GPD1: variants seen among roughly 807,000 people sequenced by gnomAD.
The protein encoded by GPD1 is glycerol-3-phosphate dehydrogenase [NAD(+)], cytoplasmic.
Under a neutral mutation model 34.4 loss-of-function variants are expected in GPD1, and 19 were observed. The ratio of observed to expected loss-of-function variants is 0.55; its 90% CI spans 0.39 to 0.81. The LOEUF is 0.81. Ranked by LOEUF, GPD1 falls within the 30% of genes least tolerant of loss-of-function variation. The pLI is 0.00. For synonymous variants in GPD1, 172 were observed against 174.1 expected (o/e 0.99, Z 0.09); for missense variants, 429 against 447.0 (o/e 0.96, Z 0.36).
chr12:50,106,925 G>T lies in GPD1; in HGVS notation c.612+8G>T. ...ATCTGTGGAGCCTTAAAGGTGAGAG[G>T]GGCACAGAGGCAGCTATGGGGTGAG... is the stretch of plus-strand genomic sequence containing the variant. On this transcript the variant is annotated splice_region_variant and intron_variant, in intron 5 of 7. Coordinates refer to ENST00000301149, the MANE Select transcript of GPD1 (RefSeq NM_005276.4). 6.5e-7 allele frequency: 1 copy of T among 1,529,292 alleles called. No homozygotes were observed. Among genetic ancestry groups the T allele is most frequent in the Non-Finnish European group, 9.1e-7 (1 of 1,102,686 alleles). The allele number at this position is 1,529,292 out of a possible 1,614,324, so 94.7% of individuals were successfully genotyped here. A position where few individuals can be genotyped will look rare whatever the true frequency, so the allele number is the denominator to read the frequency against.
In GPD1 at chr12:50,109,970, G is replaced by A. The variant is rs984816834; in HGVS notation, c.*451G>A. 1.2e-5 allele frequency: 2 copies of A among 161,042 alleles called. No homozygotes were observed. The highest frequency in any genetic ancestry group is 2.7e-5 in the Non-Finnish European group (2 of 73,132). 10.0% of individuals were successfully genotyped at this position (161,042 alleles called of 1,614,324 possible). On this transcript the variant is annotated 3_prime_UTR_variant, in exon 8 of 8. Coordinates refer to ENST00000301149, the MANE Select transcript of GPD1 (RefSeq NM_005276.4). Reference sequence around the variant, plus strand: ...GCGATGAGGCAAGGATTGTCAGGGAGGGGTCTGGGCTTCTGAGCTGATGCA... The same window carrying A: ...GCGATGAGGCAAGGATTGTCAGGGAAGGGTCTGGGCTTCTGAGCTGATGCA...
intron 6 of GPD1, 75 bp downstream of exon 6, chr12:50,107,875 C>G (rs1950993752): frequency 1.7e-6 from 2 of 1,149,654 alleles, no homozygotes; most frequent in East Asian, 4.7e-5. Flanking sequence ...CGGGAGGCAT[C>G]TCTGGAGCAC....
chr12:50,105,274 G>T (rs963244126), intron 2 of GPD1: 1 of 480,110 alleles, frequency 2.1e-6, no homozygotes, highest in Non-Finnish European at 3.8e-6. Context: ...TTGGCCTCCC[G>T]CACTGTCCCA....
At position 50,104,618 on chromosome 12, in the gene GPD1, T is replaced by A; in HGVS notation, c.86T>A (p.Leu29Gln). The A allele has an allele frequency of 1.2e-6, 2 of 1,613,988 alleles. No homozygotes were observed. The change falls in exon 2 of 8, where the codon CTG (leucine) becomes CAG (glutamine). Residue 29 changes from leucine (L) to glutamine (Q), a missense_variant. By Grantham distance (113) the Leu-to-Gln change is moderately radical (BLOSUM62 -2). Coordinates refer to ENST00000301149, the MANE Select transcript of GPD1 (RefSeq NM_005276.4). ...ATCGTGGGTGGCAATGCAGCCCAGC[T>A]GGCACAGTTTGACCCACGGGTGACC... ...AKIVGGNAAQ[L>Q]AQFDPRVTMW...
At chr12:50,104,364 C>A in intron 1 of GPD1, 1 of 707,454 alleles carries the variant, frequency 1.4e-6, no homozygotes, top group South Asian at 1.5e-5. Context: ...AGTGGGGCTC[C>A]CTTCTCTAGT....
chr12:50,104,639 T>G lies in GPD1; in HGVS notation c.107T>G (p.Val36Gly). Residue 36 changes from valine (V) to glycine (G), a missense_variant, in exon 2 of 8, where the codon GTG (valine) becomes GGG (glycine). Transcript: ENST00000301149. ...AAQLAQFDPR[V>G]TMWVFEEDIG... is the part of the protein sequence containing the mutation. ...CAGCTGGCACAGTTTGACCCACGGG[T>G]GACCATGTGGGTATTTGAGGAAGAC... The G allele has an allele frequency of 6.2e-7, 1 of 1,611,864 alleles. No homozygotes were observed. Among genetic ancestry groups the G allele is most frequent in the Non-Finnish European group, 8.5e-7 (1 of 1,178,026 alleles).
At chr12:50,106,009 C>T (rs1476676709) in intron 3 of GPD1, 1 of 626,500 alleles carries the variant, frequency 1.6e-6, no homozygotes, top group Non-Finnish European at 2.9e-6. Flanking sequence ...AGTGACTGGT[C>T]ACTGAATGGC....
intron 2 of GPD1, chr12:50,105,107 G>T: frequency 3.3e-6 from 1 of 302,116 alleles, no homozygotes; most frequent in Non-Finnish European, 6.2e-6. Flanking sequence ...TTGGACTTAC[G>T]GTCTTTGGTC....
At chr12:50,106,983 T>A in intron 5 of GPD1, 66 bp downstream of exon 5, 1 of 928,184 alleles carries the variant, frequency 1.1e-6, no homozygotes, top group Non-Finnish European at 1.8e-6. Context: ...GGCTGAGCTC[T>A]GCAAGGCTGC....
chr12:50,106,377 C>T lies in GPD1; in HGVS notation c.450C>T (p.Ala150=), dbSNP rs2137922267. The change falls in exon 4 of 8, where the codon GCC becomes GCT. Residue 150 remains alanine, a synonymous_variant. Coordinates refer to ENST00000301149, the MANE Select transcript of GPD1 (RefSeq NM_005276.4). ...TCCCCATGAGTGTGCTGATGGGGGC[C>T]AACATTGCCAGCGAGGTGGCTGATG... ...LGIPMSVLMG[A]NIASEVADEK... is the part of the protein sequence containing the mutation. 1 of 1,613,548 alleles carries T rather than the reference C, an allele frequency of 6.2e-7. No homozygotes were observed. Among genetic ancestry groups the T allele is most frequent in the Non-Finnish European group, 8.5e-7 (1 of 1,179,776 alleles).
chr12:50,107,833 G>C, intron 6 of GPD1, 33 bp downstream of exon 6: 4 of 1,433,410 alleles, frequency 2.8e-6, no homozygotes, highest in Non-Finnish European at 3.9e-6. Flanking sequence ...ACAGAGGGGC[G>C]GCTCTGTAGG....
intron 3 of GPD1, chr12:50,105,974 G>T: frequency 1.5e-6 from 1 of 657,336 alleles, no homozygotes. Flanking sequence ...GGTTTGAGAA[G>T]TGTGAAGAGT....
intron 7 of GPD1, among the ~76,000 whole-genome samples, 197 bp from the exon 8 acceptor site, chr12:50,109,226 G>A (rs1043546897): frequency 6.6e-6 from 1 of 152,080 alleles, no homozygotes; most frequent in South Asian, 2.1e-4. Context: ...ACATGGTAGG[G>A]AGCAGGGCAA....
intron 6 of GPD1, 31 bp from the exon 7 acceptor site, chr12:50,107,993 T>C: frequency 7.0e-7 from 1 of 1,424,102 alleles, no homozygotes; most frequent in Non-Finnish European, 9.9e-7. Context: ...TTCTCTCCCA[T>C]TTCCATCCAC....
rs759637845 is a variant in GPD1, at chr12:50,109,487, C to T, written c.1018C>T (p.His340Tyr). 1.9e-6 allele frequency: 3 copies of T among 1,576,430 alleles called. No homozygotes were observed. Among genetic ancestry groups the T allele is most frequent in the Non-Finnish European group, 8.7e-7 (1 of 1,145,348 alleles). ...GGGCCAGCCAGTGGGTGAATTCATC[C>T]ACTGCCTGCAGAATCATCCAGAACA... Reference protein sequence around the residue: ...YEGQPVGEFIHCLQNHPEHM With the variant: ...YEGQPVGEFIYCLQNHPEHM Residue 340 changes from histidine (H) to tyrosine (Y), a missense_variant, in exon 8 of 8, where the codon CAC becomes TAC. Coordinates refer to ENST00000301149, the MANE Select transcript of GPD1 (RefSeq NM_005276.4).
chr12:50,104,233 C>A lies in GPD1; in HGVS notation c.41+142C>A, dbSNP rs1037947337. 4.7e-6 allele frequency: 4 copies of A among 844,948 alleles called. No individual in the cohort carries two copies. In the African/African-American group the frequency reaches 5.0e-5, roughly 11 times the overall value. The allele number at this position is 844,948 out of a possible 1,614,324, so 52.3% of individuals were successfully genotyped here. On this transcript the variant is annotated intron_variant, in intron 1 of 7. Transcript: ENST00000301149. Reference sequence around the variant, plus strand: ...TTCTATCATAGCAGCACAGGACAGACGGTGCCCGGCCCTCTCCTGACCCCC... The same window carrying A: ...TTCTATCATAGCAGCACAGGACAGAAGGTGCCCGGCCCTCTCCTGACCCCC...
chr12:50,107,200 A>C, intron 5 of GPD1: 1 of 657,666 alleles, frequency 1.5e-6, no homozygotes, highest in Non-Finnish European at 2.8e-6. Flanking sequence ...CAGGGGGACA[A>C]GGAGATGCCC....
chr12:50,105,199 G>C (rs1051539013), intron 2 of GPD1: 2 of 324,160 alleles, frequency 6.2e-6, no homozygotes, highest in African/African-American at 4.1e-5. Context: ...CCCAGCTGGG[G>C]TTCCTGAGGA....
Position 50,107,552 on chromosome 12 carries a change from C to T in GPD1, c.613-15C>T, listed in dbSNP as rs1257048766. The stretch of plus-strand genomic sequence containing the variant: ...GAGGGGGTCTTTTCTCACCTATGAC[C>T]TCCACTCCTTCAAGAATGTAGTGGC... On this transcript the variant is annotated splice_polypyrimidine_tract_variant and intron_variant, in intron 5 of 7. Transcript: ENST00000301149. 10 of 1,601,736 alleles carry T rather than the reference C, an allele frequency of 6.2e-6. No individual in the cohort carries two copies. The highest frequency in any genetic ancestry group is 8.6e-6 in the Non-Finnish European group (10 of 1,168,824).
Sources: allele counts gnomAD v4.1 joint callset (sites outside exome capture counted in the v4.1 genomes callset), GRCh38; gene constraint gnomAD v4.1.1; transcripts MANE v1.5; gene names NCBI Gene and HGNC (gene_info 2026-07-23, HGNC 2026-07-21).